Variants in NBAS observed in about 807,000 individuals in gnomAD.
NBAS encodes the protein NAG/BC035112 fusion.
In NBAS, 219 loss-of-function variants were observed where a neutral mutation model predicts 302.5. That is an observed-to-expected ratio of 0.72 (90% CI 0.65 to 0.81). The LOEUF (loss-of-function observed/expected upper bound fraction) is 0.81. Among genes scored for constraint, NBAS ranks in the 30% least tolerant of loss-of-function variants. The pLI is 0.00. For synonymous variants in NBAS, 1,118 were observed against 1,021.6 expected (o/e 1.09, Z -1.80); for missense variants, 2,932 against 2,841.6 (o/e 1.03, Z -0.72).
rs148280671 is a variant in NBAS at position 15,338,014 on chromosome 2, T to C, written c.4180-7249A>G. Among the ~76,000 whole-genome samples, 254 of 152,328 alleles carry C rather than the reference T, an allele frequency of 1.7e-3. 1 individual carries two copies. The highest frequency in any genetic ancestry group is 3.7e-3 in the Admixed American group (56 of 15,298). On this transcript the variant is annotated intron_variant, in intron 35 of 51. Coordinates refer to ENST00000281513, the MANE Select transcript of NBAS (RefSeq NM_015909.4). ...AACATGAAATCTCATTAATGTAAAG[T>C]GTGTTACACAGCTCAAAGGTTAGCT...
At chr2:15,467,290 C>A (rs1558365949) in intron 19 of NBAS, 39 bp downstream of exon 19, 1 of 1,380,506 alleles carries the variant, frequency 7.2e-7, no homozygotes, top group Non-Finnish European at 1.0e-6. Context: ...AATGACAGAT[C>A]AAATGAACAT....
intron 51 of NBAS, among the ~76,000 whole-genome samples, chr2:15,167,949 T>C (rs531002692): frequency 6.6e-6 from 1 of 152,180 alleles, no homozygotes; most frequent in Non-Finnish European, 1.5e-5. Flanking sequence ...ACAGTGGGGT[T>C]TTAAACTATT....
chr2:14,791,081 C>A, the NBAS span, among the ~76,000 whole-genome samples: 1 of 152,140 alleles, frequency 6.6e-6, no homozygotes, highest in Admixed American at 6.5e-5. Context: ...TCTCAAACTC[C>A]TGACCTTAGG....
intron 44 of NBAS, among the ~76,000 whole-genome samples, chr2:15,253,763 C>T (rs1285099366): frequency 6.6e-6 from 1 of 152,154 alleles, no homozygotes; most frequent in Non-Finnish European, 1.5e-5. Context: ...AGCTCCAGAA[C>T]ACCAAAGGGA....
chr2:15,077,989 G>C, the NBAS span, among the ~76,000 whole-genome samples: 1 of 152,130 alleles, frequency 6.6e-6, no homozygotes, highest in Non-Finnish European at 1.5e-5. Context: ...GCCCAAGAAG[G>C]CTTCTTCTAA....
At chr2:15,225,511 CTT>C (rs1365242009) in intron 47 of NBAS, among the ~76,000 whole-genome samples, 1 of 145,322 alleles carries the variant, frequency 6.9e-6, no homozygotes, top group African/African-American at 2.8e-5. Flanking sequence ...TCTTTCTTCT[CTT>C]TTATTTTTCC....
the NBAS span, among the ~76,000 whole-genome samples, chr2:14,938,049 AC>A: frequency 6.6e-6 from 1 of 152,018 alleles, no homozygotes; most frequent in Non-Finnish European, 1.5e-5. Flanking sequence ...AATCACTTGA[AC>A]CTGGGAGGTG....
At chr2:14,872,034 T>TA in the NBAS span, among the ~76,000 whole-genome samples, 2 of 152,070 alleles carry the variant, frequency 1.3e-5, no homozygotes, top group Non-Finnish European at 2.9e-5. Context: ...CATTTACATA[T>TA]AAAAACAGAC....
At chr2:15,327,720 C>G in intron 38 of NBAS, 30 bp downstream of exon 38, 1 of 1,613,162 alleles carries the variant, frequency 6.2e-7, no homozygotes, top group Non-Finnish European at 8.5e-7. Context: ...GAGTTACACA[C>G]TGTCAAGGGA....
chr2:15,399,055 G>A lies in NBAS; in HGVS notation c.3072-2580C>T, dbSNP rs116411974. Among the ~76,000 whole-genome samples, 1,030 of 152,224 alleles carry A rather than the reference G, an allele frequency of 6.8e-3. 12 individuals carry two copies. Among genetic ancestry groups the A allele is most frequent in the African/African-American group, 0.022 (929 of 41,522 alleles). On this transcript the variant is annotated intron_variant, in intron 26 of 51. Coordinates refer to ENST00000281513, the MANE Select transcript of NBAS (RefSeq NM_015909.4). Reference sequence around the variant, plus strand: ...ATAAAAAAAGTTTTTAATATCATCAGCCTATTGATACTATGACAATCTCCT... The same window carrying A: ...ATAAAAAAAGTTTTTAATATCATCAACCTATTGATACTATGACAATCTCCT...
intron 22 of NBAS, 86 bp from the exon 23 acceptor site, chr2:15,424,554 T>C: frequency 2.7e-6 from 4 of 1,480,508 alleles, no homozygotes; most frequent in South Asian, 2.3e-5. Context: ...GGGACAGAGA[T>C]GGGGAGAAAG....
the NBAS span, among the ~76,000 whole-genome samples, chr2:15,084,962 G>T: frequency 6.6e-6 from 1 of 152,258 alleles, no homozygotes; most frequent in Non-Finnish European, 1.5e-5. Context: ...GCCATCTGGA[G>T]TGGCCGCTGT....
At chr2:15,451,087 T>C (rs1024033790) in intron 21 of NBAS, among the ~76,000 whole-genome samples, 1 of 152,184 alleles carries the variant, frequency 6.6e-6, no homozygotes, top group Non-Finnish European at 1.5e-5. Context: ...AGTCTTGCTC[T>C]GTTGCCCAGA....
the NBAS span, among the ~76,000 whole-genome samples, chr2:14,912,703 TAA>T: frequency 1.4e-4 from 11 of 78,570 alleles, no homozygotes; most frequent in East Asian, 1.2e-3. Context: ...CATTCATTTT[TAA>T]AAAAAAAAAA....
downstream of NBAS, chr2:15,166,877 A>G (rs1664041199): frequency 2.4e-6 from 2 of 840,118 alleles, no homozygotes; most frequent in Non-Finnish European, 3.5e-6. Flanking sequence ...ACTCAGTACA[A>G]GAAAGAAAAA....
chr2:15,427,745 G>C lies in NBAS; in HGVS notation c.2389C>G (p.Arg797Gly). The C allele has an allele frequency of 6.2e-7, 1 of 1,613,302 alleles. No individual in the cohort carries two copies. The highest frequency in any genetic ancestry group is 8.5e-7 in the Non-Finnish European group (1 of 1,179,692). The change falls in exon 22 of 52, where the codon CGA (arginine) becomes GGA (glycine). Residue 797 changes from arginine (R) to glycine (G), a missense_variant. Physicochemically the swap from Arg to Gly is moderately radical, Grantham distance 125. Coordinates refer to ENST00000281513, the MANE Select transcript of NBAS (RefSeq NM_015909.4). ...AACTCCTCGCACCAATCTTTAGCTC[G>C]GTGTTTATGTTCATGCCAAGGAATG... ...MIIPWHEHKH[R>G]AKDWCEELAC...
At chr2:14,968,370 C>G in the NBAS span, among the ~76,000 whole-genome samples, 1 of 152,134 alleles carries the variant, frequency 6.6e-6, no homozygotes, top group African/African-American at 2.4e-5. Flanking sequence ...AAGAGATGCT[C>G]AACAACTTCA....
At chr2:15,388,651 C>T (rs2148396921) in intron 28 of NBAS, among the ~76,000 whole-genome samples, 2 of 152,158 alleles carry the variant, frequency 1.3e-5, no homozygotes, top group Middle Eastern at 3.4e-3. Flanking sequence ...AAGTGAAGGA[C>T]AGAAATATGT....
the NBAS span, among the ~76,000 whole-genome samples, chr2:15,088,703 G>A: frequency 6.6e-6 from 1 of 152,206 alleles, no homozygotes; most frequent in Non-Finnish European, 1.5e-5. Flanking sequence ...AGGAGCATAG[G>A]ATGTTAGAGC....
Sources: gnomAD v4.1 joint callset for allele counts (sites outside exome capture counted in the v4.1 genomes callset) on GRCh38, gnomAD v4.1.1 for gene constraint, MANE v1.5 for transcripts, NCBI Gene and HGNC (gene_info 2026-07-23, HGNC 2026-07-21) for gene names.